TUBGCP5: variants seen among roughly 807,000 people sequenced by gnomAD.
TUBGCP5 encodes gamma-tubulin complex component 5.
In TUBGCP5, 98 loss-of-function variants were observed where a neutral mutation model predicts 134.7. The observed-to-expected ratio is 0.73, with a 90% CI of 0.62 to 0.86. The LOEUF (loss-of-function observed/expected upper bound fraction) is 0.86. Among genes scored for constraint, TUBGCP5 ranks in the 40% least tolerant of loss-of-function variants. TUBGCP5 has a pLI of 0.00. For missense variants in TUBGCP5, 1,150 were observed against 1,244.8 expected (o/e 0.92, Z 1.15); for synonymous variants, 456 against 431.4 (o/e 1.06, Z -0.71).
intron 3 of TUBGCP5, among the ~76,000 whole-genome samples, chr15:23,035,572 T>G (rs1028672113): frequency 3.9e-5 from 6 of 152,086 alleles, no homozygotes; most frequent in Non-Finnish European, 7.4e-5. Flanking sequence ...TATGAGAATC[T>G]AATGCCACCG....
chr15:23,039,258 G>A, intron 1 of TUBGCP5, 140 bp downstream of exon 1: 3 of 983,284 alleles, frequency 3.1e-6, no homozygotes, highest in Non-Finnish European at 3.9e-6. Context: ...GGCGGTGGCA[G>A]GGCCTGCGAA....
rs35981491 is a variant in TUBGCP5 at position 23,008,424 on chromosome 15, G to A, written c.2327+275C>T. ...CAGGATTACAGGCGCCTGCCACCAT[G>A]CTTTTTGTATTTTTAGTAGAGACAG... is the stretch of plus-strand genomic sequence containing the variant. On this transcript the variant is annotated intron_variant, in intron 16 of 22. Coordinates refer to ENST00000615383, the MANE Select transcript of TUBGCP5 (RefSeq NM_052903.6). 39,203 of 400,966 alleles carry A rather than the reference G, an allele frequency of 0.098. 3,216 individuals are homozygous for A. Among genetic ancestry groups the A allele is most frequent in the East Asian group, 0.46 (6,822 of 14,896 alleles). 24.8% of individuals were successfully genotyped at this position (400,966 alleles called of 1,614,324 possible). A position where few individuals can be genotyped will look rare whatever the true frequency, so the allele number is the denominator to read the frequency against.
chr15:22,984,118 T>G, intron 23 of TUBGCP5, among the ~76,000 whole-genome samples: 1 of 151,766 alleles, frequency 6.6e-6, no homozygotes, highest in Admixed American at 6.6e-5. Flanking sequence ...TGACCCTGTC[T>G]CAAAAAAATA....
intron 16 of TUBGCP5, 178 bp downstream of exon 16, chr15:23,008,521 G>T: frequency 1.3e-6 from 1 of 762,012 alleles, no homozygotes; most frequent in Non-Finnish European, 2.2e-6. Context: ...GCCTCCCAAA[G>T]TGCTGGCATT....
intron 13 of TUBGCP5, among the ~76,000 whole-genome samples, chr15:23,015,987 A>C (rs1031358582): frequency 6.6e-6 from 1 of 152,224 alleles, no homozygotes; most frequent in Non-Finnish European, 1.5e-5. Context: ...CAAGAAAACC[A>C]ATAATTCTCT....
rs1316233224 is a variant in TUBGCP5 at position 23,024,193 on chromosome 15, T to C, written c.922A>G (p.Ser308Gly). Residue 308 changes from serine (S) to glycine (G), a missense_variant and splice_region_variant, in exon 10 of 23, where the codon AGC becomes GGC. Physicochemically the swap from Ser to Gly is moderately conservative, Grantham distance 56. This residue lies in a region of TUBGCP5 where 453 missense variants were observed against 394.7 expected (regional missense o/e 1.15). Coordinates refer to ENST00000615383, the MANE Select transcript of TUBGCP5 (RefSeq NM_052903.6). The part of the protein sequence containing the change: ...NNIIVTHLTH[S>G]CLRSVLEQIA... ...TGTTCCAGCACAGATCGTAAACAGC[T>C]CTACAACACAAGCAAACTGCAATTA... 2 of 1,609,784 alleles carry C rather than the reference T, an allele frequency of 1.2e-6. No homozygotes were observed. Among genetic ancestry groups the C allele is most frequent in the Middle Eastern group, 1.7e-4 (1 of 6,054 alleles).
chr15:23,006,033 T>C lies in TUBGCP5; in HGVS notation c.2533+19A>G, dbSNP rs576560767. On this transcript the variant is annotated intron_variant, in intron 18 of 22. Coordinates refer to ENST00000615383, the MANE Select transcript of TUBGCP5 (RefSeq NM_052903.6). ...AAATTAAATAAAATTACAATTTATC[T>C]GCTGAAAACAAATCTTACCACCAAA... 39 of 1,578,094 alleles carry C rather than the reference T, an allele frequency of 2.5e-5. No individual in the cohort carries two copies. In the South Asian group the frequency reaches 2.7e-4, roughly 11 times the overall value.
In TUBGCP5 at chr15:23,036,928, T is replaced by A; in HGVS notation, c.278A>T (p.Asn93Ile). Reference sequence around the variant, plus strand: ...TTCCTTTATACTGGGAAGTGGTGCATTTAGAAATTCCTCCGTTAATCTCTT... The same window carrying A: ...TTCCTTTATACTGGGAAGTGGTGCAATTAGAAATTCCTCCGTTAATCTCTT... ...SWKRLTEEFL[N>I]APLPSIKEIK... The change falls in exon 3 of 23, where the codon AAT becomes ATT. Residue 93 changes from asparagine (N) to isoleucine (I), a missense_variant. Transcript: ENST00000615383. 3.1e-6 allele frequency: 5 copies of A among 1,612,280 alleles called. No homozygotes were observed. The highest frequency in any genetic ancestry group is 4.2e-6 in the Non-Finnish European group (5 of 1,178,786).
intron 21 of TUBGCP5, 66 bp from the exon 22 acceptor site, chr15:23,000,735 T>C (rs2064324278): frequency 2.6e-6 from 3 of 1,164,302 alleles, no homozygotes; most frequent in African/African-American, 3.1e-5. Flanking sequence ...CTTCAAGATA[T>C]CTGTGGAGTA....
chr15:23,023,969 A>C lies in TUBGCP5; in HGVS notation c.1146T>G (p.Ile382Met), dbSNP rs2065851782. The C allele has an allele frequency of 6.2e-7, 1 of 1,614,038 alleles. No individual in the cohort carries two copies. Among genetic ancestry groups the C allele is most frequent in the South Asian group, 1.1e-5 (1 of 91,068 alleles). The part of the protein sequence containing the change: ...FISFKEELAE[I>M]EKCIINNDTT... ...TACCATTATTGATGATGCACTTCTC[A>C]ATTTCTGCAAGTTCCTCTTTGAAAC... The change falls in exon 10 of 23, where the codon ATT (isoleucine) becomes ATG (methionine). Residue 382 changes from isoleucine (I) to methionine (M), a missense_variant. Ile to Met is a conservative substitution (Grantham distance 10). This residue lies in a region of TUBGCP5 where 697 missense variants were observed against 850.1 expected (regional missense o/e 0.82). Coordinates refer to ENST00000615383, the MANE Select transcript of TUBGCP5 (RefSeq NM_052903.6).
intron 3 of TUBGCP5, 78 bp downstream of exon 3, chr15:23,036,819 A>C (rs748239324): frequency 6.0e-6 from 6 of 1,007,248 alleles, no homozygotes; most frequent in Non-Finnish European, 9.1e-6. Flanking sequence ...ATGTTTAAAC[A>C]GTAACTGAAA....
chr15:22,999,914 A>C (rs1248399020), intron 22 of TUBGCP5, 48 bp from the exon 23 acceptor site: 2 of 1,593,808 alleles, frequency 1.3e-6, no homozygotes, highest in South Asian at 1.1e-5. Flanking sequence ...TTAAATGTTG[A>C]AAAAAAATTT....
intron 11 of TUBGCP5, among the ~76,000 whole-genome samples, chr15:23,019,980 T>C (rs1242759740): frequency 1.3e-5 from 2 of 151,272 alleles, no homozygotes; most frequent in African/African-American, 4.9e-5. Context: ...AAAGCATCCA[T>C]TAAGGATGAG....
At chr15:22,986,238 A>T (rs954856638) in intron 23 of TUBGCP5, among the ~76,000 whole-genome samples, 1 of 152,090 alleles carries the variant, frequency 6.6e-6, no homozygotes, top group Admixed American at 6.6e-5. Context: ...CTTAGTGGGC[A>T]TGTAAAATGG....
At position 23,010,077 on chromosome 15, in the gene TUBGCP5, A is replaced by T; in HGVS notation, c.2012T>A (p.Val671Glu). The change falls in exon 15 of 23, where the codon GTG (valine) becomes GAG (glutamate). Residue 671 changes from valine to glutamate, a missense_variant. Transcript: ENST00000615383. The part of the protein sequence containing the change: ...HEKFAGGDVC[V>E]DRSSESVTCQ... ...TGTCACAGATTCCGATGATCTATCC[A>T]CACATACATCACCACCAGCAAACTT... is the stretch of plus-strand genomic sequence containing the variant. The T allele has an allele frequency of 2.5e-6, 4 of 1,614,202 alleles. No homozygotes were observed. The highest frequency in any genetic ancestry group is 1.7e-6 in the Non-Finnish European group (2 of 1,180,018).
intron 13 of TUBGCP5, among the ~76,000 whole-genome samples, chr15:23,011,671 A>G (rs2065040662): frequency 6.7e-6 from 1 of 148,738 alleles, no homozygotes; most frequent in African/African-American, 2.4e-5. Context: ...CGCCCGGCTA[A>G]TTTTATATAT....
chr15:23,006,034 G>A lies in TUBGCP5; in HGVS notation c.2533+18C>T, dbSNP rs767332631. The A allele has an allele frequency of 1.7e-5, 27 of 1,577,700 alleles. No individual in the cohort carries two copies. Among genetic ancestry groups the A allele is most frequent in the Non-Finnish European group, 7.7e-6 (9 of 1,169,080 alleles). ...AATTAAATAAAATTACAATTTATCT[G>A]CTGAAAACAAATCTTACCACCAAAA... On this transcript the variant is annotated intron_variant, in intron 18 of 22. Transcript: ENST00000615383.
In TUBGCP5 at chr15:22,999,772, G is replaced by A. The variant is rs375923257; in HGVS notation, c.*48C>T. ...CTTTTCAGCTGCACATGGTGGAAATGTACATGTATGATGACAAAGTCGGAG... is the reference window on the plus strand; with the variant it reads ...CTTTTCAGCTGCACATGGTGGAAATATACATGTATGATGACAAAGTCGGAG... On this transcript the variant is annotated 3_prime_UTR_variant, in exon 23 of 23. Coordinates refer to ENST00000615383, the MANE Select transcript of TUBGCP5 (RefSeq NM_052903.6). The A allele has an allele frequency of 1.1e-5, 18 of 1,575,550 alleles. No homozygotes were observed. Among genetic ancestry groups the A allele is most frequent in the South Asian group, 1.1e-4 (10 of 90,206 alleles).
At chr15:22,997,352 G>C (rs1052929426), downstream of TUBGCP5, among the ~76,000 whole-genome samples, 1 of 151,704 alleles carries the variant, frequency 6.6e-6, no homozygotes, top group African/African-American at 2.4e-5. Context: ...GCTGATTTTT[G>C]TATTTTTAGT....
Sources: gnomAD v4.1 joint callset for allele counts (sites outside exome capture counted in the v4.1 genomes callset) on GRCh38, gnomAD v4.1.1 for gene constraint, gnomAD v4.1.1 regional missense constraint, MANE v1.5 for transcripts, NCBI Gene and HGNC (gene_info 2026-07-23, HGNC 2026-07-21) for gene names.